The following KCNJ6 variants were observed in gnomAD, a reference collection of about 807,000 sequenced individuals.
The protein encoded by KCNJ6 is G protein-activated inward rectifier potassium channel 2.
A neutral mutation model predicts 34.2 loss-of-function variants in KCNJ6; 9 were observed. That is an observed-to-expected ratio of 0.26 (90% CI 0.16 to 0.46). The LOEUF (loss-of-function observed/expected upper bound fraction) is 0.46. KCNJ6 is among the 20% of genes least tolerant of loss of function. The pLI is 1.00. For missense variants in KCNJ6, 236 were observed against 531.3 expected, an observed-to-expected ratio of 0.44 and a Z score of 5.46; for synonymous variants, 196 against 207.1, an observed-to-expected ratio of 0.95 and a Z score of 0.46.
intron 1 of KCNJ6, among the ~76,000 whole-genome samples, chr21:37,851,899 C>CTT (rs60086556): frequency 3.7e-4 from 53 of 144,924 alleles, no homozygotes; most frequent in South Asian, 1.3e-3. Flanking sequence ...TCTCTGAGTT[C>CTT]TTTTTTTTTT....
intron 3 of KCNJ6, among the ~76,000 whole-genome samples, chr21:37,710,296 A>G (rs1377009814): frequency 6.6e-6 from 1 of 152,236 alleles, no homozygotes; most frequent in Non-Finnish European, 1.5e-5. Flanking sequence ...TGTTTTTAAA[A>G]GAATCCTTAT....
At chr21:37,731,224 G>T (rs938739802) in intron 2 of KCNJ6, among the ~76,000 whole-genome samples, 10 of 152,276 alleles carry the variant, frequency 6.6e-5, no homozygotes, top group Admixed American at 5.9e-4. Flanking sequence ...CCCCAGTGGA[G>T]CAGAAGAAGT....
At chr21:37,648,803 T>A (rs1021170790) in intron 3 of KCNJ6, among the ~76,000 whole-genome samples, 2 of 152,232 alleles carry the variant, frequency 1.3e-5, no homozygotes, top group Admixed American at 6.5e-5. Flanking sequence ...AAGTTTTTTT[T>A]AAAACTGCAG....
At chr21:37,732,802 C>T (rs761604922) in intron 2 of KCNJ6, among the ~76,000 whole-genome samples, 5 of 152,118 alleles carry the variant, frequency 3.3e-5, no homozygotes, top group Non-Finnish European at 5.9e-5. Context: ...CTGGGGATGA[C>T]AGAAACTGGG....
intron 3 of KCNJ6, among the ~76,000 whole-genome samples, chr21:37,707,619 A>G (rs145211052): frequency 0.014 from 485 of 34,466 alleles, 1 homozygote; most frequent in African/African-American, 0.041. Flanking sequence ...AGTAATTAAT[A>G]TAACAAACAA....
chr21:37,735,837 G>T (rs2054910036), intron 2 of KCNJ6, among the ~76,000 whole-genome samples: 2 of 152,164 alleles, frequency 1.3e-5, no homozygotes, highest in East Asian at 3.9e-4. Flanking sequence ...GAGCTGGGGA[G>T]AATTATTAGG....
intron 2 of KCNJ6, among the ~76,000 whole-genome samples, chr21:37,773,830 G>A (rs965302848): frequency 7.2e-5 from 11 of 152,126 alleles, no homozygotes; most frequent in African/African-American, 2.2e-4. Flanking sequence ...TTGAAGATCC[G>A]TTTTCTAGCT....
chr21:37,837,718 T>C (rs2055458937), intron 2 of KCNJ6, among the ~76,000 whole-genome samples: 1 of 152,116 alleles, frequency 6.6e-6, no homozygotes, highest in Non-Finnish European at 1.5e-5. Flanking sequence ...TGTCTGTTTT[T>C]TTTTTTTTCT....
At chr21:37,731,698 AGACAGATGGGCTGTCTC>A (rs1569453594) in intron 2 of KCNJ6, among the ~76,000 whole-genome samples, 1 of 152,224 alleles carries the variant, frequency 6.6e-6, no homozygotes, top group African/African-American at 2.4e-5. Flanking sequence ...GGTGCTGAGC[AGACAGATGGGCTGTCTC>A]AGAGGATGAG....
At chr21:37,724,250 G>C (rs1037264904) in intron 2 of KCNJ6, among the ~76,000 whole-genome samples, 5 of 152,162 alleles carry the variant, frequency 3.3e-5, no homozygotes, top group Non-Finnish European at 7.3e-5. Flanking sequence ...ATTCTGTAAA[G>C]AGCCAGACGG....
chr21:37,720,350 C>T (rs1175691803), intron 2 of KCNJ6, among the ~76,000 whole-genome samples: 1 of 152,080 alleles, frequency 6.6e-6, no homozygotes, highest in African/African-American at 2.4e-5. Flanking sequence ...GACCTGAATC[C>T]AAGAAAATCG....
intron 3 of KCNJ6, among the ~76,000 whole-genome samples, chr21:37,670,757 C>A (rs113613399): frequency 0.017 from 2,512 of 152,202 alleles, 49 homozygotes; most frequent in East Asian, 0.061. Flanking sequence ...AGAATAAGAC[C>A]CTGTCTCAAA....
chr21:37,844,300 C>T (rs951727942), intron 1 of KCNJ6, among the ~76,000 whole-genome samples: 8 of 152,020 alleles, frequency 5.3e-5, no homozygotes, highest in Non-Finnish European at 8.8e-5. Context: ...CCTCGTGATC[C>T]GCCCACCTTA....
intron 2 of KCNJ6, among the ~76,000 whole-genome samples, chr21:37,779,753 A>G (rs1450115008): frequency 6.6e-6 from 1 of 152,180 alleles, no homozygotes; most frequent in Non-Finnish European, 1.5e-5. Flanking sequence ...TGTAACCTTG[A>G]AGGTTTGCTT....
intron 2 of KCNJ6, among the ~76,000 whole-genome samples, chr21:37,822,196 C>A (rs567311777): frequency 6.6e-6 from 1 of 152,272 alleles, no homozygotes; most frequent in East Asian, 1.9e-4. Flanking sequence ...ATGACAGGTC[C>A]CTTGTCATGC....
chr21:37,910,701 C>T lies in KCNJ6; in HGVS notation c.-28+5183G>A, dbSNP rs2055863071. 4.6e-5 allele frequency among the ~76,000 whole-genome samples: 7 copies of T among 152,206 alleles called. 1 individual carries two copies. The South Asian group carries it at 1.5e-3, about 32-fold the overall frequency. On this transcript the variant is annotated intron_variant, in intron 1 of 3. Coordinates refer to ENST00000609713, the MANE Select transcript of KCNJ6 (RefSeq NM_002240.5). ...ACTGTATGATTCCTGGTCCTAAGCA[C>T]AGCCATACAGAAAAAATGAGAAGCA...
intron 2 of KCNJ6, among the ~76,000 whole-genome samples, chr21:37,810,010 T>C (rs2055314635): frequency 6.6e-6 from 1 of 152,238 alleles, no homozygotes; most frequent in African/African-American, 2.4e-5. Context: ...ATATCTGTGT[T>C]TATTTTTCAA....
chr21:37,655,233 G>A (rs9984759), intron 3 of KCNJ6, among the ~76,000 whole-genome samples: 163 of 2,486 alleles, frequency 0.066, 5 homozygotes, highest in African/African-American at 0.17. Context: ...GTGAGAGAGA[G>A]AGAGAGAGAG....
chr21:37,879,716 T>A (rs763716267), intron 1 of KCNJ6, among the ~76,000 whole-genome samples: 44 of 13,680 alleles, frequency 3.2e-3, no homozygotes, highest in Non-Finnish European at 5.1e-3. Context: ...TGAAATGAAG[T>A]GTGTGTGTGT....
Sources: allele counts gnomAD v4.1 joint callset (sites outside exome capture counted in the v4.1 genomes callset), GRCh38; gene constraint gnomAD v4.1.1; transcripts MANE v1.5; gene names NCBI Gene and HGNC (gene_info 2026-07-23, HGNC 2026-07-21).